Variants in PLEKHG1 observed in about 807,000 individuals in gnomAD.
The protein encoded by PLEKHG1 is pleckstrin homology and RhoGEF domain containing G1, also known as pleckstrin homology domain-containing family G member 1.
In PLEKHG1, 44 loss-of-function variants were observed where a neutral mutation model predicts 100.8. The observed-to-expected ratio is 0.44, with a 90% CI of 0.34 to 0.56. The LOEUF (loss-of-function observed/expected upper bound fraction) is 0.56, where lower values mean the gene tolerates loss of function less well. Ranked by LOEUF, PLEKHG1 falls within the 20% of genes least tolerant of loss-of-function variation. The probability of loss-of-function intolerance (pLI) is 0.01; values close to 1 mark genes in which losing one functional copy is unlikely to be tolerated. For missense variants in PLEKHG1, 1,545 were observed against 1,720.9 expected (o/e 0.90, Z 1.81); for synonymous variants, 640 against 662.5 (o/e 0.97, Z 0.52).
At chr6:150,640,933 C>T (rs989166368) in intron 2 of PLEKHG1, among the ~76,000 whole-genome samples, 1 of 152,136 alleles carries the variant, frequency 6.6e-6, no homozygotes, top group Non-Finnish European at 1.5e-5. Context: ...GCAAATCTAA[C>T]TAATTTTATG....
intron 15 of PLEKHG1, among the ~76,000 whole-genome samples, chr6:150,832,409 C>G (rs1776999432): frequency 6.6e-6 from 1 of 152,146 alleles, no homozygotes; most frequent in Non-Finnish European, 1.5e-5. Context: ...GATTTGGCCT[C>G]AGAGGGTGGT....
intron 6 of PLEKHG1, 148 bp from the exon 8 acceptor site, chr6:150,804,462 G>C: frequency 1.7e-6 from 1 of 578,050 alleles, no homozygotes; most frequent in South Asian, 2.3e-5. Flanking sequence ...TGGGATTACA[G>C]GCATGAGCCA....
chr6:150,740,332 T>G (rs1782782227), intron 2 of PLEKHG1, among the ~76,000 whole-genome samples: 1 of 152,246 alleles, frequency 6.6e-6, no homozygotes, highest in South Asian at 2.1e-4. Flanking sequence ...CTTACTCTTT[T>G]TCCTTAGCCA....
intron 2 of PLEKHG1, among the ~76,000 whole-genome samples, chr6:150,750,648 G>C (rs1316326379): frequency 1.3e-5 from 2 of 149,860 alleles, no homozygotes; most frequent in Non-Finnish European, 3.0e-5. Flanking sequence ...GGGCGTAGTG[G>C]CGGGCGCCTG....
chr6:150,732,766 T>C (rs757131888), intron 1 of PLEKHG1, among the ~76,000 whole-genome samples: 3 of 152,190 alleles, frequency 2.0e-5, no homozygotes, highest in Non-Finnish European at 2.9e-5. Context: ...TTGTGTTTTT[T>C]AGTAGCGACA....
At chr6:150,649,998 C>T (rs1778655438) in intron 2 of PLEKHG1, among the ~76,000 whole-genome samples, 1 of 148,940 alleles carries the variant, frequency 6.7e-6, no homozygotes, top group African/African-American at 2.5e-5. Context: ...GGCGACAGAG[C>T]GGGACTCCGT....
chr6:150,696,105 T>C (rs10484777), intron 3 of PLEKHG1, among the ~76,000 whole-genome samples: 56,815 of 152,072 alleles, frequency 0.37, 10,993 homozygotes, highest in Middle Eastern at 0.45. Flanking sequence ...TATATCAATG[T>C]TGTAATGAGG....
At chr6:150,659,565 GCCC>G in intron 3 of PLEKHG1, among the ~76,000 whole-genome samples, 1 of 152,190 alleles carries the variant, frequency 6.6e-6, no homozygotes, top group Non-Finnish European at 1.5e-5. Flanking sequence ...TGAGTGCCTG[GCCC>G]TTGGCAGACT....
intron 1 of PLEKHG1, among the ~76,000 whole-genome samples, chr6:150,610,958 G>C (rs1776803087): frequency 6.6e-6 from 1 of 152,202 alleles, no homozygotes; most frequent in Non-Finnish European, 1.5e-5. Flanking sequence ...TTGAGTGTTA[G>C]GCATTTCCAA....
chr6:150,676,321 A>G (rs569799301), intron 3 of PLEKHG1, among the ~76,000 whole-genome samples: 28 of 152,260 alleles, frequency 1.8e-4, no homozygotes, highest in Non-Finnish European at 3.8e-4. Flanking sequence ...TACACAAAGG[A>G]AAACAAATAG....
chr6:150,615,152 C>G (rs1309616169), intron 1 of PLEKHG1, among the ~76,000 whole-genome samples: 1 of 152,174 alleles, frequency 6.6e-6, no homozygotes, highest in Non-Finnish European at 1.5e-5. Context: ...TTTGTTTTTC[C>G]TCTCTGGCAT....
At chr6:150,648,362 T>C (rs1330381054) in intron 2 of PLEKHG1, among the ~76,000 whole-genome samples, 2 of 152,208 alleles carry the variant, frequency 1.3e-5, no homozygotes, top group East Asian at 3.9e-4. Flanking sequence ...TGTCTATTGA[T>C]TTCAGGTCTT....
intron 2 of PLEKHG1, among the ~76,000 whole-genome samples, chr6:150,741,705 C>G (rs777140280): frequency 6.6e-6 from 1 of 152,208 alleles, no homozygotes; most frequent in Non-Finnish European, 1.5e-5. Flanking sequence ...TGAGCTGGAA[C>G]TGAAAAGCAG....
chr6:150,712,710 G>C (rs1440887126), intron 3 of PLEKHG1, among the ~76,000 whole-genome samples: 6 of 152,160 alleles, frequency 3.9e-5, no homozygotes, highest in African/African-American at 1.4e-4. Flanking sequence ...CAAGTGTTTA[G>C]ACTCTCAAAA....
intron 3 of PLEKHG1, among the ~76,000 whole-genome samples, chr6:150,703,712 T>G (rs969199518): frequency 7.2e-5 from 11 of 152,296 alleles, no homozygotes; most frequent in Middle Eastern, 3.4e-3. Context: ...GTACCTTAAT[T>G]TGGAAGCATG....
At chr6:150,696,933 C>T (rs9322275) in intron 3 of PLEKHG1, among the ~76,000 whole-genome samples, 136,202 of 151,582 alleles carry the variant, frequency 0.9, 61,413 homozygotes, top group Non-Finnish European at 0.94. Context: ...CATGGTGAAA[C>T]CCCATCTCTA....
intron 4 of PLEKHG1, among the ~76,000 whole-genome samples, chr6:150,789,788 G>A (rs1369584786): frequency 1.3e-5 from 2 of 152,122 alleles, no homozygotes; most frequent in Non-Finnish European, 2.9e-5. Context: ...GTCCCCATTT[G>A]GTACATTAAC....
At chr6:150,832,629 T>G (rs1485874205) in intron 15 of PLEKHG1, among the ~76,000 whole-genome samples, 1 of 151,838 alleles carries the variant, frequency 6.6e-6, no homozygotes, top group African/African-American at 2.4e-5. Context: ...GGCTTCAGGA[T>G]CTCAACAAAA....
At chr6:150,748,228 C>T (rs1019941688) in intron 2 of PLEKHG1, among the ~76,000 whole-genome samples, 8 of 152,152 alleles carry the variant, frequency 5.3e-5, no homozygotes, top group African/African-American at 1.7e-4. Context: ...TTCCTTCTTA[C>T]GGCTGAGTAA....
Sources: allele counts gnomAD v4.1 joint callset (sites outside exome capture counted in the v4.1 genomes callset), GRCh38; gene constraint gnomAD v4.1.1; transcripts MANE v1.5; gene names NCBI Gene and HGNC (gene_info 2026-07-23, HGNC 2026-07-21).